The following DNAH11 variants were observed in gnomAD, a reference collection of about 807,000 sequenced individuals.
DNAH11 encodes the protein axonemal beta dynein heavy chain 11.
In DNAH11, 442 loss-of-function variants were observed where a neutral mutation model predicts 526.0. That is an observed-to-expected ratio of 0.84 (90% CI 0.78 to 0.91). DNAH11 has a LOEUF of 0.91. Ranked by LOEUF, DNAH11 falls within the 40% of genes least tolerant of loss-of-function variation. The pLI, the probability that DNAH11 is intolerant of heterozygous loss-of-function variation, is 0.00. For missense variants in DNAH11, 6,989 were observed against 5,448.7 expected, an observed-to-expected ratio of 1.28 and a Z score of -8.90; for synonymous variants, 2,461 against 1,935.9, an observed-to-expected ratio of 1.27 and a Z score of -7.12.
chr7:21,779,461 C>T (rs1211511973), intron 57 of DNAH11, among the ~76,000 whole-genome samples: 2 of 152,116 alleles, frequency 1.3e-5, no homozygotes, highest in Non-Finnish European at 2.9e-5. Flanking sequence ...TTGAACAACT[C>T]AATTGTTAAC....
chr7:21,837,619 G>C (rs1583756077), intron 65 of DNAH11, among the ~76,000 whole-genome samples: 1 of 152,050 alleles, frequency 6.6e-6, no homozygotes, highest in East Asian at 1.9e-4. Flanking sequence ...TTACAAAATT[G>C]CCCGTTGATC....
chr7:21,619,179 G>A lies in DNAH11; in HGVS notation c.4334G>A (p.Arg1445Gln), dbSNP rs751896015. Residue 1445 changes from arginine (R) to glutamine (Q), a missense_variant, in exon 24 of 82, where the codon CGA becomes CAA. Physicochemically the swap from Arg to Gln is conservative, Grantham distance 43. Coordinates refer to ENST00000409508, the MANE Select transcript of DNAH11 (RefSeq NM_001277115.2). ...LRLHRVEDDV[R>Q]RIVDKAVKEL... ...TTACACAGAGTGGAAGATGATGTCCGAAGGATTGTGGACAAGGCGGTGAAA... is the reference window on the plus strand; with the variant it reads ...TTACACAGAGTGGAAGATGATGTCCAAAGGATTGTGGACAAGGCGGTGAAA... 23 of 1,613,268 alleles carry A rather than the reference G, an allele frequency of 1.4e-5. No individual in the cohort carries two copies. Among genetic ancestry groups the A allele is most frequent in the East Asian group, 6.7e-5 (3 of 44,858 alleles).
intron 61 of DNAH11, among the ~76,000 whole-genome samples, chr7:21,798,108 C>G (rs1562552491): frequency 6.6e-6 from 1 of 152,186 alleles, no homozygotes; most frequent in African/African-American, 2.4e-5. Context: ...GACATTCATT[C>G]ATTCATTTGA....
At chr7:21,841,319 C>T (rs190197905) in intron 65 of DNAH11, among the ~76,000 whole-genome samples, 1 of 152,140 alleles carries the variant, frequency 6.6e-6, no homozygotes, top group East Asian at 1.9e-4. Flanking sequence ...TACAGATATA[C>T]ATAAACACAT....
intron 74 of DNAH11, among the ~76,000 whole-genome samples, chr7:21,873,770 T>TCTTGAGGAG (rs201278974): frequency 0.023 from 3,372 of 144,404 alleles, 183 homozygotes; most frequent in African/African-American, 0.083. Context: ...CTAGGTAACT[T>TCTTGAGGAG]CTTGAGGAGG....
intron 55 of DNAH11, among the ~76,000 whole-genome samples, chr7:21,772,557 A>G (rs1205559393): frequency 6.6e-6 from 1 of 151,980 alleles, no homozygotes; most frequent in Non-Finnish European, 1.5e-5. Context: ...AAGTTTATAT[A>G]AACTTCTTCA....
rs533611130 is a variant in DNAH11 at position 21,691,277 on chromosome 7, T to C, written c.6041+396T>C. ...CCAAGGCGCTGGTGCTGGCTCATTT[T>C]TGCTCCTCCTGACCTTGGCCAGTAT... On this transcript the variant is annotated intron_variant, in intron 35 of 81. Coordinates refer to ENST00000409508, the MANE Select transcript of DNAH11 (RefSeq NM_001277115.2). 2.9e-3 allele frequency among the ~76,000 whole-genome samples: 441 copies of C among 151,916 alleles called. 2 individuals are homozygous for C. The highest frequency in any genetic ancestry group is 0.01 in the African/African-American group (423 of 41,426).
At chr7:21,723,386 C>T (rs987839809) in intron 44 of DNAH11, among the ~76,000 whole-genome samples, 6 of 152,234 alleles carry the variant, frequency 3.9e-5, no homozygotes, top group African/African-American at 1.4e-4. Context: ...CGGACTGACT[C>T]AGGACCTATG....
intron 2 of DNAH11, among the ~76,000 whole-genome samples, chr7:21,546,519 C>G (rs1266370011): frequency 1.3e-5 from 2 of 152,188 alleles, no homozygotes; most frequent in Non-Finnish European, 2.9e-5. Context: ...CTATCTGTGT[C>G]TGGCAACAGA....
intron 54 of DNAH11, among the ~76,000 whole-genome samples, chr7:21,758,896 C>T (rs1336240261): frequency 6.6e-6 from 1 of 152,144 alleles, no homozygotes. Flanking sequence ...GTAGAGTTAT[C>T]CCATTGCGTC....
At chr7:21,684,795 C>A (rs1042846001) in intron 32 of DNAH11, among the ~76,000 whole-genome samples, 3 of 152,178 alleles carry the variant, frequency 2.0e-5, no homozygotes, top group African/African-American at 7.2e-5. Flanking sequence ...CAGAATATTG[C>A]GGAGATAAGA....
At chr7:21,613,775 G>A (rs1249310370) in intron 20 of DNAH11, among the ~76,000 whole-genome samples, 1 of 151,952 alleles carries the variant, frequency 6.6e-6, no homozygotes, top group African/African-American at 2.4e-5. Flanking sequence ...TAGATTTTTT[G>A]TTTTGTTGAG....
intron 29 of DNAH11, among the ~76,000 whole-genome samples, chr7:21,656,576 T>G (rs1039496772): frequency 6.6e-6 from 1 of 152,144 alleles, no homozygotes; most frequent in African/African-American, 2.4e-5. Context: ...AATGGCTCAT[T>G]ATGATTTCTG....
Position 21,800,440 on chromosome 7 carries a change from C to T in DNAH11, c.10027-697C>T, listed in dbSNP as rs1309642744. ...TGAGACCAGGAGTTCAAGACCAGCC[C>T]GGCCAACATGGCGAAACCTCATCTC... On this transcript the variant is annotated intron_variant, in intron 61 of 81. Transcript: ENST00000409508. Among the ~76,000 whole-genome samples, 6 of 152,008 alleles carry T rather than the reference C, an allele frequency of 3.9e-5. No individual in the cohort carries two copies. In the East Asian group the frequency reaches 5.8e-4, roughly 15 times the overall value.
At chr7:21,668,690 CT>C (rs1410524637) in intron 30 of DNAH11, among the ~76,000 whole-genome samples, 1 of 152,296 alleles carries the variant, frequency 6.6e-6, no homozygotes, top group East Asian at 1.9e-4. Context: ...TTATTGCTTA[CT>C]AATAATACAT....
Position 21,861,959 on chromosome 7 carries a change from T to A in DNAH11, c.11309T>A (p.Leu3770His). 6.2e-7 allele frequency: 1 copy of A among 1,613,828 alleles called. No homozygotes were observed. Among genetic ancestry groups the A allele is most frequent in the Non-Finnish European group, 8.5e-7 (1 of 1,179,816 alleles). ...GAGAGCATCACCCATGCTGTCTTCC[T>A]CTACACCAGCCAGGCGCTGTTTGAG... ...LMESITHAVF[L>H]YTSQALFEKD... Residue 3770 changes from leucine to histidine, a missense_variant, in exon 69 of 82, where the codon CTC becomes CAC. Transcript: ENST00000409508.
intron 18 of DNAH11, 132 bp from the exon 19 acceptor site, chr7:21,606,294 G>T: frequency 1.3e-6 from 1 of 742,526 alleles, no homozygotes; most frequent in Non-Finnish European, 2.2e-6. Context: ...GTGCACTCCA[G>T]CCTAGGGGAT....
At chr7:21,588,242 TAG>T in intron 10 of DNAH11, 41 bp downstream of exon 10, 3 of 1,584,310 alleles carry the variant, frequency 1.9e-6, no homozygotes, top group Non-Finnish European at 2.6e-6. Context: ...CAATATCATT[TAG>T]GCGGATAATG....
At chr7:21,821,443 G>A (rs1562566137) in intron 65 of DNAH11, among the ~76,000 whole-genome samples, 1 of 152,148 alleles carries the variant, frequency 6.6e-6, no homozygotes, top group African/African-American at 2.4e-5. Context: ...ACCCTGTCTT[G>A]CCTCTGCTCT....
Sources: gnomAD v4.1 joint callset for allele counts (sites outside exome capture counted in the v4.1 genomes callset) on GRCh38, gnomAD v4.1.1 for gene constraint, MANE v1.5 for transcripts, NCBI Gene and HGNC (gene_info 2026-07-23, HGNC 2026-07-21) for gene names.